The following STXBP6 variants were observed in gnomAD, a reference collection of about 807,000 sequenced individuals.
STXBP6 encodes syntaxin-binding protein 6.
A neutral mutation model predicts 26.9 loss-of-function variants in STXBP6; 21 were observed. The observed-to-expected ratio is 0.78, with a 90% confidence interval of 0.55 to 1.12. The LOEUF is 1.12. Among genes scored for constraint, STXBP6 ranks in the 50% most tolerant of loss-of-function variants. The pLI is 0.00. For missense variants in STXBP6, 232 were observed against 257.9 expected (o/e 0.90, Z 0.69); for synonymous variants, 97 against 92.6 (o/e 1.05, Z -0.27).
chr14:24,958,086 G>A (rs57787991), intron 2 of STXBP6, among the ~76,000 whole-genome samples: 1 of 152,214 alleles, frequency 6.6e-6, no homozygotes, highest in African/African-American at 2.4e-5. Context: ...ATGGAAAAAT[G>A]ATGCTCTACA....
chr14:25,032,295 A>G (rs538390924), intron 1 of STXBP6, among the ~76,000 whole-genome samples: 1 of 152,286 alleles, frequency 6.6e-6, no homozygotes, highest in African/African-American at 2.4e-5. Flanking sequence ...CCATCATCCG[A>G]CATCGCTCGA....
Position 24,809,715 on chromosome 14 carries a change from T to C in STXBP6, c.*2994A>G, listed in dbSNP as rs758826465. 9.2e-5 allele frequency: 14 copies of C among 152,224 alleles called. No homozygotes were observed. The highest frequency in any genetic ancestry group is 2.1e-4 in the South Asian group (1 of 4,826). 9.4% of individuals were successfully genotyped at this position (152,224 alleles called of 1,614,324 possible). A position where few individuals can be genotyped will look rare whatever the true frequency, so the allele number is the denominator to read the frequency against. ...AGGGTTTGTTGTAATAGTGAATCAA[T>C]AGAGCAGGTGTTACTTATCTCTGAA... On this transcript the variant is annotated 3_prime_UTR_variant, in exon 6 of 6. Coordinates refer to ENST00000323944, the MANE Select transcript of STXBP6 (RefSeq NM_001394410.1).
At chr14:24,874,280 G>A (rs1033593178) in intron 2 of STXBP6, among the ~76,000 whole-genome samples, 2 of 152,086 alleles carry the variant, frequency 1.3e-5, no homozygotes, top group African/African-American at 4.8e-5. Flanking sequence ...AGATGAGAGG[G>A]ATAGTCACTC....
chr14:24,970,854 T>C (rs1175722066), intron 2 of STXBP6, among the ~76,000 whole-genome samples: 2 of 152,364 alleles, frequency 1.3e-5, no homozygotes, highest in East Asian at 3.9e-4. Flanking sequence ...TTGCTTCGCA[T>C]GTTAACACTT....
chr14:24,981,501 C>T (rs1297613386), intron 1 of STXBP6, among the ~76,000 whole-genome samples: 1 of 152,098 alleles, frequency 6.6e-6, no homozygotes, highest in African/African-American at 2.4e-5. Context: ...AACTCCTGAC[C>T]TCAAGTGATC....
chr14:24,999,072 A>C (rs1428607725), intron 1 of STXBP6, among the ~76,000 whole-genome samples: 1 of 152,200 alleles, frequency 6.6e-6, no homozygotes, highest in African/African-American at 2.4e-5. Flanking sequence ...GTTATGGTCC[A>C]ATAAACCAAC....
At chr14:25,016,326 T>TA (rs985739808) in intron 1 of STXBP6, among the ~76,000 whole-genome samples, 3 of 151,646 alleles carry the variant, frequency 2.0e-5, no homozygotes, top group African/African-American at 4.8e-5. Flanking sequence ...ATTTTTTCTT[T>TA]AAAAAAAAAT....
intron 1 of STXBP6, among the ~76,000 whole-genome samples, chr14:25,003,810 C>A (rs533861484): frequency 1.3e-5 from 2 of 152,212 alleles, no homozygotes; most frequent in Non-Finnish European, 2.9e-5. Flanking sequence ...CAAGACAAAA[C>A]ATCACATGAA....
intron 4 of STXBP6, among the ~76,000 whole-genome samples, chr14:24,851,208 A>G (rs951843055): frequency 1.3e-5 from 2 of 150,332 alleles, no homozygotes; most frequent in Admixed American, 6.7e-5. Flanking sequence ...GTTAATCTAT[A>G]CTGACAATCT....
chr14:24,918,531 C>T (rs1425802390), intron 2 of STXBP6, among the ~76,000 whole-genome samples: 5 of 147,212 alleles, frequency 3.4e-5, no homozygotes, highest in African/African-American at 7.5e-5. Context: ...ACAACTAAAT[C>T]TTGTTTAGTT....
At chr14:24,918,789 C>A (rs1021387505) in intron 2 of STXBP6, among the ~76,000 whole-genome samples, 8 of 152,146 alleles carry the variant, frequency 5.3e-5, no homozygotes, top group African/African-American at 1.9e-4. Flanking sequence ...AGAATTACAG[C>A]ATCTTATGTT....
intron 2 of STXBP6, among the ~76,000 whole-genome samples, chr14:24,893,113 G>A (rs1371236029): frequency 6.6e-6 from 1 of 152,180 alleles, no homozygotes; most frequent in Non-Finnish European, 1.5e-5. Context: ...AGATCCCAGA[G>A]ACTCAAATGC....
At chr14:25,015,854 G>T (rs1262858776) in intron 1 of STXBP6, among the ~76,000 whole-genome samples, 1 of 151,010 alleles carries the variant, frequency 6.6e-6, no homozygotes, top group Non-Finnish European at 1.5e-5. Flanking sequence ...CACATATTCT[G>T]GGAGGCTGAA....
At position 25,038,335 on chromosome 14, in the gene STXBP6, C is replaced by A. The variant is rs79878124; in HGVS notation, c.-33+11543G>T. On this transcript the variant is annotated intron_variant, in intron 1 of 5. Transcript: ENST00000323944. ...TGTACTCACTAAAGCTGAACATATT[C>A]ACATCTTAGAAATCAGCAGTTGTAG... is the stretch of plus-strand genomic sequence containing the variant. Among the ~76,000 whole-genome samples, 1,520 of 152,262 alleles carry A rather than the reference C, an allele frequency of 1.0e-2. 12 individuals are homozygous for A. Among genetic ancestry groups the A allele is most frequent in the Non-Finnish European group, 0.014 (965 of 68,022 alleles).
chr14:24,896,262 A>G (rs188869176), intron 2 of STXBP6, among the ~76,000 whole-genome samples: 2 of 152,152 alleles, frequency 1.3e-5, no homozygotes, highest in Admixed American at 1.3e-4. Flanking sequence ...CCACAATGAT[A>G]TTACTAATGA....
chr14:24,864,006 T>C (rs2069633108), intron 2 of STXBP6, among the ~76,000 whole-genome samples: 1 of 152,188 alleles, frequency 6.6e-6, no homozygotes. Flanking sequence ...GGATGGTTTC[T>C]GAAAGGGATT....
intron 1 of STXBP6, among the ~76,000 whole-genome samples, chr14:24,982,428 G>C (rs1194526851): frequency 6.6e-6 from 1 of 152,218 alleles, no homozygotes; most frequent in East Asian, 1.9e-4. Context: ...CTGGTGAACA[G>C]AGCACCAGCT....
intron 2 of STXBP6, among the ~76,000 whole-genome samples, chr14:24,873,717 CT>C (rs1566432291): frequency 6.6e-6 from 1 of 152,144 alleles, no homozygotes; most frequent in African/African-American, 2.4e-5. Flanking sequence ...AACTTTCTCC[CT>C]TTTCCTGAGG....
At chr14:24,886,725 A>G (rs1053747094) in intron 2 of STXBP6, among the ~76,000 whole-genome samples, 1 of 152,184 alleles carries the variant, frequency 6.6e-6, no homozygotes, top group Non-Finnish European at 1.5e-5. Context: ...ACACTCTCAT[A>G]CTGTATCACA....
Sources: gnomAD v4.1 joint callset for allele counts (sites outside exome capture counted in the v4.1 genomes callset) on GRCh38, gnomAD v4.1.1 for gene constraint, MANE v1.5 for transcripts, NCBI Gene and HGNC (gene_info 2026-07-23, HGNC 2026-07-21) for gene names.